Variants in KAZN observed in about 807,000 individuals in gnomAD.
KAZN encodes the protein kazrin.
Under a neutral mutation model 87.4 loss-of-function variants are expected in KAZN, and 40 were observed. That is an observed-to-expected ratio of 0.46 (90% CI 0.36 to 0.60). The LOEUF (loss-of-function observed/expected upper bound fraction) is 0.60, where lower values mean the gene tolerates loss of function less well. Ranked by LOEUF, KAZN falls within the 20% of genes least tolerant of loss-of-function variation. The probability of loss-of-function intolerance (pLI) is 0.00; values close to 1 mark genes in which losing one functional copy is unlikely to be tolerated. For synonymous variants in KAZN, 466 were observed against 458.3 expected (o/e 1.02, Z -0.22); for missense variants, 898 against 1,073.9 (o/e 0.84, Z 2.29).
At chr1:14,747,096 A>G (rs527756238) in intron 1 of KAZN, among the ~76,000 whole-genome samples, 25 of 152,222 alleles carry the variant, frequency 1.6e-4, no homozygotes, top group Non-Finnish European at 3.4e-4. Context: ...AGTATCTTGT[A>G]TCTGACTTCT....
intron 1 of KAZN, among the ~76,000 whole-genome samples, chr1:14,864,336 G>A (rs1651206524): frequency 6.6e-6 from 1 of 152,182 alleles, no homozygotes; most frequent in Admixed American, 6.5e-5. Flanking sequence ...AGGCCAAGGC[G>A]GGCGGATCAC....
chr1:14,610,234 G>A (rs1677708719), intron 1 of KAZN, among the ~76,000 whole-genome samples: 1 of 152,032 alleles, frequency 6.6e-6, no homozygotes, highest in African/African-American at 2.4e-5. Flanking sequence ...TTGAGACAGA[G>A]TCTCATTCTG....
chr1:14,873,423 A>G (rs2101067773), intron 1 of KAZN, among the ~76,000 whole-genome samples: 1 of 152,360 alleles, frequency 6.6e-6, no homozygotes, highest in African/African-American at 2.4e-5. Context: ...GCTGTTTCAC[A>G]TAGGGTGGTC....
In KAZN at chr1:14,963,793, C is replaced by T. The variant is rs1030997577; in HGVS notation, c.418+2918C>T. Among the ~76,000 whole-genome samples, 5 of 150,310 alleles carry T rather than the reference C, an allele frequency of 3.3e-5. No individual in the cohort carries two copies. The South Asian group carries it at 6.2e-4, about 19-fold the overall frequency. ...TGTCCCTCCCCTTGCCCCCTACTGCCCAACAGGCCCCAGTGTGTGATGTTC... is the reference window on the plus strand; with the variant it reads ...TGTCCCTCCCCTTGCCCCCTACTGCTCAACAGGCCCCAGTGTGTGATGTTC... On this transcript the variant is annotated intron_variant, in intron 2 of 14. Transcript: ENST00000376030.
chr1:14,816,532 C>T (rs866632543), intron 1 of KAZN, among the ~76,000 whole-genome samples: 4 of 152,032 alleles, frequency 2.6e-5, no homozygotes, highest in African/African-American at 7.3e-5. Flanking sequence ...AACATGGCCG[C>T]GGACTTCATG....
chr1:14,692,116 A>G, intron 1 of KAZN: 1 of 311,656 alleles, frequency 3.2e-6, no homozygotes, highest in Non-Finnish European at 6.2e-6. Flanking sequence ...CACCCTGTAC[A>G]AGAAAAGTTT....
At position 15,034,788 on chromosome 1, in the gene KAZN, C is replaced by T. The variant is rs764798499; in HGVS notation, c.458C>T (p.Thr153Ile). 12 of 1,614,132 alleles carry T rather than the reference C, an allele frequency of 7.4e-6. No homozygotes were observed. Among genetic ancestry groups the T allele is most frequent in the Non-Finnish European group, 9.3e-6 (11 of 1,180,006 alleles). Residue 153 changes from threonine to isoleucine, a missense_variant, in exon 3 of 15, where the codon ACA becomes ATA. Thr to Ile is a moderately conservative substitution (Grantham distance 89). Around this residue, in one of 3 missense-constraint regions of KAZN, gnomAD observed 250 missense variants for 263.0 expected, o/e 0.95. Transcript: ENST00000376030. ...ADRKRLKGEK[T>I]DLVSQMQQLY... ...CGGAAGCGCTTAAAGGGCGAGAAGA[C>T]AGACCTGGTGAGCCAGATGCAGCAG...
intron 1 of KAZN, among the ~76,000 whole-genome samples, chr1:14,118,222 G>A (rs1644671883): frequency 6.6e-6 from 1 of 152,190 alleles, no homozygotes; most frequent in African/African-American, 2.4e-5. Context: ...TGGATTCTGT[G>A]CTAAATACTT....
chr1:14,471,803 A>AAAGGC (rs932558246), intron 2 of KAZN, among the ~76,000 whole-genome samples: 6 of 152,282 alleles, frequency 3.9e-5, no homozygotes, highest in African/African-American at 1.2e-4. Context: ...AAGTGTTCAG[A>AAAGGC]AAGGCATGAA....
chr1:14,245,068 C>T (rs899354079), intron 2 of KAZN, among the ~76,000 whole-genome samples: 2 of 152,042 alleles, frequency 1.3e-5, no homozygotes, highest in African/African-American at 4.8e-5. Flanking sequence ...TCAAGTAATT[C>T]TCCTGCCTCA....
intron 1 of KAZN, among the ~76,000 whole-genome samples, chr1:14,178,471 C>A (rs1009885507): frequency 6.6e-6 from 1 of 152,184 alleles, no homozygotes; most frequent in Admixed American, 6.5e-5. Flanking sequence ...TGCTATTAAT[C>A]TCATCCAATG....
intron 2 of KAZN, among the ~76,000 whole-genome samples, chr1:14,965,649 CTTAAG>C (rs1157655049): frequency 6.6e-6 from 1 of 152,234 alleles, no homozygotes; most frequent in Non-Finnish European, 1.5e-5. Context: ...TTATTAGACA[CTTAAG>C]TTGTTTCCAC....
intron 1 of KAZN, among the ~76,000 whole-genome samples, chr1:13,942,198 T>C (rs1424829779): frequency 1.3e-5 from 2 of 152,080 alleles, no homozygotes; most frequent in Non-Finnish European, 2.9e-5. Flanking sequence ...TTGAGGTGAT[T>C]TACCTTCACT....
chr1:13,990,994 C>T (rs1029240838), intron 1 of KAZN, among the ~76,000 whole-genome samples: 16 of 151,590 alleles, frequency 1.1e-4, no homozygotes, highest in Admixed American at 3.3e-4. Flanking sequence ...ATTATTTTTC[C>T]GAGCTCTGTG....
intron 1 of KAZN, among the ~76,000 whole-genome samples, chr1:14,804,715 T>C (rs1335402692): frequency 6.6e-6 from 1 of 152,036 alleles, no homozygotes; most frequent in African/African-American, 2.4e-5. Context: ...CTTCTGAAAA[T>C]GCACAGATAC....
intron 2 of KAZN, among the ~76,000 whole-genome samples, chr1:14,500,157 C>G (rs1670163454): frequency 6.6e-6 from 1 of 152,022 alleles, no homozygotes; most frequent in African/African-American, 2.4e-5. Context: ...ATGATGCTAC[C>G]CTGCCCTGCA....
At chr1:14,584,896 G>A (rs1291200123) in intron 2 of KAZN, among the ~76,000 whole-genome samples, 1 of 152,128 alleles carries the variant, frequency 6.6e-6, no homozygotes, top group African/African-American at 2.4e-5. Context: ...TCCTGCCTTG[G>A]CCTCCCAAAG....
intron 2 of KAZN, among the ~76,000 whole-genome samples, chr1:14,300,174 G>A (rs930192047): frequency 4.6e-5 from 7 of 152,170 alleles, no homozygotes; most frequent in African/African-American, 1.7e-4. Context: ...GATATGGGAA[G>A]CACCCTAGGA....
chr1:14,825,242 T>A lies in KAZN; in HGVS notation c.227-135442T>A, dbSNP rs138958800. 3.8e-3 allele frequency among the ~76,000 whole-genome samples: 586 copies of A among 152,370 alleles called. 6 individuals carry two copies. Among genetic ancestry groups the A allele is most frequent in the African/African-American group, 0.013 (550 of 41,588 alleles). On this transcript the variant is annotated intron_variant, in intron 1 of 14. Transcript: ENST00000376030. ...GCTTTTGGGATGTGTTTTATGATGC[T>A]CAGAGATCCTATGACTCCTTTCTTG... is the stretch of plus-strand genomic sequence containing the variant.
Sources: allele counts gnomAD v4.1 joint callset (sites outside exome capture counted in the v4.1 genomes callset), GRCh38; gene constraint gnomAD v4.1.1; regional missense constraint gnomAD v4.1.1; transcripts MANE v1.5; gene names NCBI Gene and HGNC (gene_info 2026-07-23, HGNC 2026-07-21).